The following CPED1 variants were observed in gnomAD, a reference collection of about 807,000 sequenced individuals.
CPED1 encodes cadherin like and PC-esterase domain containing 1.
A neutral mutation model predicts 128.2 loss-of-function variants in CPED1; 114 were observed. That is an observed-to-expected ratio of 0.89 (90% CI 0.76 to 1.04). The LOEUF (loss-of-function observed/expected upper bound fraction) is 1.04. CPED1 is among the 50% of genes least tolerant of loss of function. CPED1 has a pLI of 0.00. For missense variants in CPED1, 1,211 were observed against 1,207.1 expected, an observed-to-expected ratio of 1.00 and a Z score of -0.05; for synonymous variants, 462 against 426.7, an observed-to-expected ratio of 1.08 and a Z score of -1.02.
intron 16 of CPED1, among the ~76,000 whole-genome samples, chr7:121,162,763 G>T (rs1796439833): frequency 1.3e-5 from 2 of 152,176 alleles, no homozygotes; most frequent in South Asian, 4.1e-4. Context: ...GGAGCCTTCA[G>T]GCAACTGCAG....
intron 12 of CPED1, among the ~76,000 whole-genome samples, chr7:121,130,911 T>C (rs1795650773): frequency 6.6e-6 from 1 of 152,080 alleles, no homozygotes. Flanking sequence ...AAGAGGGAAC[T>C]GAGATGGATA....
In CPED1 at chr7:121,210,168, G is replaced by A. The variant is rs941960150; in HGVS notation, c.2056-26546G>A. Among the ~76,000 whole-genome samples, 17 of 152,076 alleles carry A rather than the reference G, an allele frequency of 1.1e-4. No homozygotes were observed. The East Asian group carries it at 2.1e-3, about 19-fold the overall frequency. ...CAAAAGACAGGTAATAACAAAGGGA[G>A]GCGAGGATGTGAAGAAAGGAGAACC... On this transcript the variant is annotated intron_variant, in intron 16 of 22. Coordinates refer to ENST00000310396, the MANE Select transcript of CPED1 (RefSeq NM_024913.5).
chr7:121,202,524 G>C (rs1252662227), intron 16 of CPED1, among the ~76,000 whole-genome samples: 1 of 152,100 alleles, frequency 6.6e-6, no homozygotes, highest in Non-Finnish European at 1.5e-5. Flanking sequence ...CAACAAGACA[G>C]TTGTTTCAAG....
chr7:121,221,607 A>G (rs1285883862), intron 16 of CPED1, among the ~76,000 whole-genome samples: 1 of 152,164 alleles, frequency 6.6e-6, no homozygotes, highest in Non-Finnish European at 1.5e-5. Flanking sequence ...CTATTTCTCC[A>G]CATCCTCTCC....
chr7:121,113,831 CT>C (rs1001772654), intron 7 of CPED1, among the ~76,000 whole-genome samples: 83 of 148,294 alleles, frequency 5.6e-4, no homozygotes, highest in African/African-American at 7.9e-4. Flanking sequence ...TTATTTGAAA[CT>C]TTTTTTTTTT....
chr7:121,090,571 C>G (rs1584504976), intron 5 of CPED1, among the ~76,000 whole-genome samples: 1 of 152,146 alleles, frequency 6.6e-6, no homozygotes, highest in East Asian at 1.9e-4. Flanking sequence ...TACTAATATA[C>G]CTTTATGTGT....
chr7:121,274,068 A>G (rs1584647529), intron 22 of CPED1, among the ~76,000 whole-genome samples: 1 of 152,236 alleles, frequency 6.6e-6, no homozygotes, highest in African/African-American at 2.4e-5. Context: ...TTCAATTCAT[A>G]TTTTTGCAGA....
At position 121,266,781 on chromosome 7, in the gene CPED1, T is replaced by A; in HGVS notation, c.2606T>A (p.Leu869Gln). The change falls in exon 20 of 23, where the codon CTG becomes CAG. Residue 869 changes from leucine (L) to glutamine (Q), a missense_variant. Physicochemically the swap from Leu to Gln is moderately radical, Grantham distance 113. Transcript: ENST00000310396. ...GTTCAGTGGCTTAATTCCAATCACC[T>A]GCAAATTATTCACAAAGTTTTGAAG... ...GGVQWLNSNHLQIIHKVLKRE... is the reference protein window; with the variant it reads ...GGVQWLNSNHQQIIHKVLKRE... 6.2e-7 allele frequency: 1 copy of A among 1,612,452 alleles called. No individual in the cohort carries two copies. Among genetic ancestry groups the A allele is most frequent in the Non-Finnish European group, 8.5e-7 (1 of 1,178,800 alleles).
At chr7:121,084,400 C>T (rs2908572) in intron 5 of CPED1, among the ~76,000 whole-genome samples, 136,555 of 152,214 alleles carry the variant, frequency 0.9, 61,291 homozygotes, top group Middle Eastern at 0.99. Flanking sequence ...TATTTATGCA[C>T]GATTACACCA....
rs1402386097 is a variant in CPED1, at chr7:121,015,826, A to G, written c.411A>G (p.Leu137=). ...CTGAAGAAAGGCTCAATGCTGGCCT[A>G]GGGCCGGGGCTACTAGAACAAGGTC... ...VIAEERLNAG[L]GPGLLEQGDL... The change falls in exon 3 of 23, where the codon CTA becomes CTG. Residue 137 remains leucine, a synonymous_variant. Transcript: ENST00000310396. The G allele has an allele frequency of 6.4e-7, 1 of 1,572,192 alleles. No individual in the cohort carries two copies. The highest frequency in any genetic ancestry group is 8.6e-7 in the Non-Finnish European group (1 of 1,164,764).
At chr7:121,051,129 T>C in intron 4 of CPED1, 1 of 526,020 alleles carries the variant, frequency 1.9e-6, no homozygotes, top group South Asian at 1.5e-5. Flanking sequence ...AAGATTTACC[T>C]GCAGAAAACG....
rs183707116 is a variant in CPED1, at chr7:121,124,660, G to A, written c.1061+187G>A. On this transcript the variant is annotated intron_variant, in intron 8 of 22. Coordinates refer to ENST00000310396, the MANE Select transcript of CPED1 (RefSeq NM_024913.5). ...TTTATAGATCCTAAAACTTTAGAAC[G>A]TGTGGCAGACTCAGTAGTATCTAAA... is the stretch of plus-strand genomic sequence containing the variant. Among the ~76,000 whole-genome samples, 11 of 152,162 alleles carry A rather than the reference G, an allele frequency of 7.2e-5. No individual in the cohort carries two copies. The East Asian group carries it at 1.2e-3, about 16-fold the overall frequency.
intron 16 of CPED1, among the ~76,000 whole-genome samples, chr7:121,156,833 C>T (rs115836744): frequency 1.3e-5 from 2 of 152,052 alleles, no homozygotes; most frequent in African/African-American, 2.4e-5. Context: ...TCTCATGGCT[C>T]GTACATATTT....
chr7:121,285,970 G>A (rs1269694666), intron 22 of CPED1, among the ~76,000 whole-genome samples: 1 of 152,148 alleles, frequency 6.6e-6, no homozygotes, highest in Non-Finnish European at 1.5e-5. Context: ...ACTGCTGTGA[G>A]GACATACCTG....
Position 121,140,880 on chromosome 7 carries a change from C to T in CPED1, c.1753C>T (p.Leu585=). 6.2e-7 allele frequency: 1 copy of T among 1,612,572 alleles called. No homozygotes were observed. Among genetic ancestry groups the T allele is most frequent in the Non-Finnish European group, 8.5e-7 (1 of 1,179,110 alleles). Residue 585 remains leucine (L), a synonymous_variant, in exon 15 of 23, where the codon CTA becomes TTA. Transcript: ENST00000310396. ...GATCTTCACACATCCACATTTGGAA[C>T]TAAATCCTGACTTTCATCCAAAGAT... ...KQIFTHPHLE[L]NPDFHPKIKD...
At chr7:121,024,893 A>G (rs13237980) in intron 3 of CPED1, among the ~76,000 whole-genome samples, 2,008 of 152,264 alleles carry the variant, frequency 0.013, 15 homozygotes, top group Non-Finnish European at 0.02. Flanking sequence ...ATTAACTAAA[A>G]AGGGAGTTTG....
intron 4 of CPED1, among the ~76,000 whole-genome samples, chr7:121,049,345 A>G (rs1406822080): frequency 1.3e-5 from 2 of 152,198 alleles, no homozygotes; most frequent in Non-Finnish European, 2.9e-5. Flanking sequence ...GTGTCCTTGG[A>G]AAGGTGTGGT....
In CPED1 at chr7:121,266,436, C is replaced by G. The variant is rs1562856488; in HGVS notation, c.2520C>G (p.His840Gln). The G allele has an allele frequency of 6.2e-7, 1 of 1,610,908 alleles. No individual in the cohort carries two copies. The highest frequency in any genetic ancestry group is 8.5e-7 in the Non-Finnish European group (1 of 1,177,474). The change falls in exon 19 of 23, where the codon CAC becomes CAG. Residue 840 changes from histidine to glutamine, a missense_variant. Coordinates refer to ENST00000310396, the MANE Select transcript of CPED1 (RefSeq NM_024913.5). ...CAACATTTGAAAATGCACTTGAACA[C>G]CTCTTGCAAAGGTACAATGAAACTA... ...LRPTFENALEHLLQRSRPLEN... is the reference protein window; with the variant it reads ...LRPTFENALEQLLQRSRPLEN...
chr7:121,061,303 A>G (rs944803069), intron 4 of CPED1: 3 of 460,494 alleles, frequency 6.5e-6, no homozygotes, highest in Non-Finnish European at 8.6e-6. Flanking sequence ...TCATTTTATC[A>G]GTGCATTGTA....
Sources: allele counts gnomAD v4.1 joint callset (sites outside exome capture counted in the v4.1 genomes callset), GRCh38; gene constraint gnomAD v4.1.1; transcripts MANE v1.5; gene names NCBI Gene and HGNC (gene_info 2026-07-23, HGNC 2026-07-21).